The following MAST4 variants were observed in gnomAD, a reference collection of about 807,000 sequenced individuals.
The protein encoded by MAST4 is microtubule associated serine/threonine kinase family member 4, also known as microtubule-associated serine/threonine-protein kinase 4.
MAST4 carries 89 observed loss-of-function variants against 162.7 expected under a neutral mutation model. The ratio of observed to expected loss-of-function variants is 0.55; its 90% CI spans 0.46 to 0.65. MAST4 has a LOEUF of 0.65. Among genes scored for constraint, MAST4 ranks in the 30% least tolerant of loss-of-function variants. The pLI is 0.00. For missense variants in MAST4, 3,153 were observed against 3,374.0 expected (o/e 0.93, Z 1.62); for synonymous variants, 1,479 against 1,361.1 (o/e 1.09, Z -1.91).
At chr5:66,880,077 C>T (rs561086449) in intron 3 of MAST4, among the ~76,000 whole-genome samples, 1 of 152,252 alleles carries the variant, frequency 6.6e-6, no homozygotes, top group African/African-American at 2.4e-5. Flanking sequence ...ATGTTTCATT[C>T]GTGCTATGGA....
rs1481741509 is a variant in MAST4 at position 66,983,022 on chromosome 5, T to G, written c.675-71382T>G. ...TTTTATTGAGCACATAGCATTTATA[T>G]AGGATTTTTATTTAGGAAGCTAAGT... On this transcript the variant is annotated intron_variant, in intron 4 of 28. Coordinates refer to ENST00000403625, the MANE Select transcript of MAST4 (RefSeq NM_001164664.2). 2.0e-5 allele frequency among the ~76,000 whole-genome samples: 3 copies of G among 152,224 alleles called. No homozygotes were observed. In the East Asian group the frequency reaches 5.8e-4, roughly 29 times the overall value.
At chr5:66,629,917 C>T (rs536387894) in intron 1 of MAST4, among the ~76,000 whole-genome samples, 2 of 152,240 alleles carry the variant, frequency 1.3e-5, no homozygotes, top group Admixed American at 1.3e-4. Context: ...AAATATTTGC[C>T]TTAACTATTA....
At chr5:66,902,269 G>A (rs959677541) in intron 4 of MAST4, among the ~76,000 whole-genome samples, 2 of 152,148 alleles carry the variant, frequency 1.3e-5, no homozygotes, top group African/African-American at 4.8e-5. Context: ...TGTGTACCTT[G>A]ATAAAGGCTG....
intron 3 of MAST4, among the ~76,000 whole-genome samples, chr5:66,823,136 G>A (rs951894551): frequency 5.3e-5 from 8 of 152,140 alleles, no homozygotes; most frequent in African/African-American, 1.2e-4. Flanking sequence ...CTGCCATGTC[G>A]TGAAGAAGGT....
intron 1 of MAST4, among the ~76,000 whole-genome samples, chr5:66,681,825 C>G (rs1046666044): frequency 1.3e-5 from 2 of 152,186 alleles, no homozygotes; most frequent in South Asian, 4.1e-4. Flanking sequence ...AAACAACAAA[C>G]ATTTTTAATT....
chr5:66,962,020 A>T (rs6872298), intron 4 of MAST4, among the ~76,000 whole-genome samples: 23,684 of 152,242 alleles, frequency 0.16, 3,155 homozygotes, highest in African/African-American at 0.36. Flanking sequence ...GCAATAATTT[A>T]ATATTTTAGT....
At chr5:66,635,088 T>A (rs1385107474) in intron 1 of MAST4, among the ~76,000 whole-genome samples, 1 of 152,220 alleles carries the variant, frequency 6.6e-6, no homozygotes, top group Non-Finnish European at 1.5e-5. Context: ...GGTACATCAT[T>A]CTTGTTAGCC....
intron 3 of MAST4, among the ~76,000 whole-genome samples, chr5:66,798,159 A>C (rs1249605170): frequency 6.6e-6 from 1 of 152,220 alleles, no homozygotes; most frequent in African/African-American, 2.4e-5. Context: ...CAGTGGCTAC[A>C]TATTCATCAT....
intron 3 of MAST4, among the ~76,000 whole-genome samples, chr5:66,833,249 T>C (rs1319667673): frequency 1.3e-5 from 2 of 152,186 alleles, no homozygotes; most frequent in Admixed American, 1.3e-4. Flanking sequence ...CTCCAAGTCA[T>C]TCTAGTTCCC....
intron 4 of MAST4, among the ~76,000 whole-genome samples, chr5:66,969,160 T>A (rs530429172): frequency 6.6e-6 from 1 of 152,300 alleles, no homozygotes; most frequent in East Asian, 1.9e-4. Context: ...TGTGTTCCTT[T>A]GCAGCCACAT....
intron 4 of MAST4, chr5:66,930,824 G>A (rs80243092): frequency 0.05 from 23,723 of 469,798 alleles, 796 homozygotes; most frequent in Middle Eastern, 0.074. Flanking sequence ...GGATTACACA[G>A]TGCTGGACCT....
At chr5:66,846,591 A>G (rs1758873208) in intron 3 of MAST4, among the ~76,000 whole-genome samples, 1 of 152,174 alleles carries the variant, frequency 6.6e-6, no homozygotes, top group South Asian at 2.1e-4. Context: ...CCATGACTGT[A>G]AATTATAAAG....
At position 67,165,399 on chromosome 5, in the gene MAST4, A is replaced by G; in HGVS notation, c.6220A>G (p.Lys2074Glu). 37 of 1,613,808 alleles carry G rather than the reference A, an allele frequency of 2.3e-5. No individual in the cohort carries two copies. The highest frequency in any genetic ancestry group is 3.1e-5 in the Non-Finnish European group (37 of 1,179,856). Residue 2074 changes from lysine (K) to glutamate (E), a missense_variant, in exon 29 of 29, where the codon AAG becomes GAG. Physicochemically the swap from Lys to Glu is moderately conservative, Grantham distance 56. This residue lies in a region of MAST4 where 1,644 missense variants were observed against 1,495.0 expected (regional missense o/e 1.10). Transcript: ENST00000403625. ...AGIPCEKELG[K>E]VRRGVEPKPE... ...AATTCCCTGTGAGAAGGAGCTGGGCAAGGTGAGGCGTGGCGTGGAACCCAA... is the reference window on the plus strand; with the variant it reads ...AATTCCCTGTGAGAAGGAGCTGGGCGAGGTGAGGCGTGGCGTGGAACCCAA...
intron 1 of MAST4, among the ~76,000 whole-genome samples, chr5:66,683,293 T>C: frequency 6.6e-6 from 1 of 152,234 alleles, no homozygotes; most frequent in South Asian, 2.1e-4. Context: ...GAGCTAACTC[T>C]TGGATGCCCC....
intron 5 of MAST4, among the ~76,000 whole-genome samples, chr5:67,078,927 T>TTTTTATATAAATAAATAAATAA (rs1762221709): frequency 1.2e-5 from 1 of 84,308 alleles, no homozygotes; most frequent in African/African-American, 5.8e-5. Context: ...TATATATATA[T>TTTTTATATAAATAAATAAATAA]ATATATATAT....
chr5:66,898,665 A>G (rs1762830918), intron 3 of MAST4, among the ~76,000 whole-genome samples: 1 of 152,268 alleles, frequency 6.6e-6, no homozygotes, highest in African/African-American at 2.4e-5. Context: ...CTTGAAAAGA[A>G]AAGGTTTTGC....
rs191370945 is a variant in MAST4 at position 67,099,557 on chromosome 5, C to T, written c.913-878C>T. On this transcript the variant is annotated intron_variant, in intron 7 of 28. Transcript: ENST00000403625. ...AAAATAAGTAGTATCTTTCAAAATA[C>T]GCTTATTCTAACCATGTTTCCATTT... Among the ~76,000 whole-genome samples the T allele has an allele frequency of 8.5e-5, 13 of 152,188 alleles. No homozygotes were observed. The East Asian group carries it at 1.5e-3, about 18-fold the overall frequency.
intron 4 of MAST4, among the ~76,000 whole-genome samples, chr5:66,960,467 T>G (rs1745876642): frequency 6.6e-6 from 1 of 152,108 alleles, no homozygotes; most frequent in African/African-American, 2.4e-5. Flanking sequence ...GCCCTAACAT[T>G]TCTCCCATCT....
chr5:66,841,480 A>G (rs947743857), intron 3 of MAST4, among the ~76,000 whole-genome samples: 2 of 152,190 alleles, frequency 1.3e-5, no homozygotes, highest in African/African-American at 2.4e-5. Flanking sequence ...TGTTGCCCAC[A>G]GTTCTGGAGA....
Sources: allele counts gnomAD v4.1 joint callset (sites outside exome capture counted in the v4.1 genomes callset), GRCh38; gene constraint gnomAD v4.1.1; regional missense constraint gnomAD v4.1.1; transcripts MANE v1.5; gene names NCBI Gene and HGNC (gene_info 2026-07-23, HGNC 2026-07-21).